The following RBFOX1 variants were observed in gnomAD, a reference collection of about 807,000 sequenced individuals.
The protein encoded by RBFOX1 is RNA binding protein fox-1 homolog 1.
A neutral mutation model predicts 57.7 loss-of-function variants in RBFOX1; 8 were observed. The observed-to-expected ratio is 0.14, with a 90% CI of 0.08 to 0.25. The LOEUF (loss-of-function observed/expected upper bound fraction) is 0.25, where lower values mean the gene tolerates loss of function less well. Among genes scored for constraint, RBFOX1 ranks in the 10% least tolerant of loss-of-function variants. RBFOX1 has a pLI of 1.00. For synonymous variants in RBFOX1, 326 were observed against 222.4 expected (o/e 1.47, Z -4.15); for missense variants, 611 against 548.5 (o/e 1.11, Z -1.14).
chr16:7,366,052 G>A (rs2097438783), intron 4 of RBFOX1, among the ~76,000 whole-genome samples: 1 of 152,146 alleles, frequency 6.6e-6, no homozygotes, highest in South Asian at 2.1e-4. Flanking sequence ...GATTGGCCTG[G>A]CGGAGGTCCA....
intron 2 of RBFOX1, among the ~76,000 whole-genome samples, chr16:6,441,892 A>T (rs1480952583): frequency 3.3e-5 from 5 of 152,170 alleles, no homozygotes; most frequent in Admixed American, 6.5e-5. Context: ...TCTCTGACTC[A>T]GGCAGCAGTG....
At chr16:7,188,692 T>C (rs1052413400) in intron 4 of RBFOX1, among the ~76,000 whole-genome samples, 1 of 152,200 alleles carries the variant, frequency 6.6e-6, no homozygotes, top group African/African-American at 2.4e-5. Flanking sequence ...AGGTTTCATT[T>C]ATTCTGCTGC....
intron 1 of RBFOX1, among the ~76,000 whole-genome samples, chr16:6,207,780 T>G (rs988619425): frequency 7.2e-5 from 11 of 152,078 alleles, no homozygotes; most frequent in African/African-American, 2.4e-4. Flanking sequence ...CTCAAAGCCC[T>G]GGGCTCAGGG....
Position 6,746,639 on chromosome 16 carries a change from C to T in RBFOX1, c.-16+91989C>T, listed in dbSNP as rs569941964. On this transcript the variant is annotated intron_variant, in intron 3 of 15. Transcript: ENST00000550418. ...GCTGCAGTGACCTGTGATTGTGCCA[C>T]TGCACTTCAGCCTGAGTGACGAGTG... 7.4e-4 allele frequency among the ~76,000 whole-genome samples: 112 copies of T among 151,766 alleles called. 1 individual carries two copies. The highest frequency in any genetic ancestry group is 2.7e-3 in the South Asian group (13 of 4,816).
chr16:6,888,266 A>C (rs934052228), intron 3 of RBFOX1, among the ~76,000 whole-genome samples: 6 of 152,324 alleles, frequency 3.9e-5, no homozygotes, highest in Admixed American at 6.5e-5. Flanking sequence ...ACAATGCTTT[A>C]TGGGTTTGTG....
At chr16:6,027,044 T>C (rs980816768) in intron 1 of RBFOX1, among the ~76,000 whole-genome samples, 1 of 152,264 alleles carries the variant, frequency 6.6e-6, no homozygotes, top group African/African-American at 2.4e-5. Flanking sequence ...ACCTTGTTCA[T>C]TGCTAGTTCT....
chr16:5,355,330 G>A (rs1056646657), intron 1 of RBFOX1, among the ~76,000 whole-genome samples: 2 of 152,186 alleles, frequency 1.3e-5, no homozygotes, highest in East Asian at 1.9e-4. Flanking sequence ...ACTATGGGCC[G>A]GGAGAGATGA....
At chr16:6,716,632 C>T (rs923605830) in intron 3 of RBFOX1, among the ~76,000 whole-genome samples, 2 of 152,186 alleles carry the variant, frequency 1.3e-5, no homozygotes, top group Admixed American at 1.3e-4. Flanking sequence ...CTAACACTCC[C>T]CTTGGACCCC....
intron 4 of RBFOX1, among the ~76,000 whole-genome samples, chr16:7,282,218 C>G (rs1045048813): frequency 6.6e-6 from 1 of 152,130 alleles, no homozygotes; most frequent in African/African-American, 2.4e-5. Flanking sequence ...CGCCCCAAAC[C>G]CATTTTCTTT....
At chr16:5,999,646 G>A (rs111744592) in intron 4 of RBFOX1, among the ~76,000 whole-genome samples, 3 of 152,128 alleles carry the variant, frequency 2.0e-5, no homozygotes, top group Non-Finnish European at 2.9e-5. Flanking sequence ...CGGATCACGA[G>A]GTCAGGAGAT....
intron 1 of RBFOX1, among the ~76,000 whole-genome samples, chr16:6,234,014 CT>C (rs2097486158): frequency 6.6e-6 from 1 of 152,120 alleles, no homozygotes; most frequent in Non-Finnish European, 1.5e-5. Flanking sequence ...GAGCTGCATC[CT>C]CTGGAGGGGA....
At chr16:6,956,215 G>T (rs1397614375) in intron 3 of RBFOX1, among the ~76,000 whole-genome samples, 1 of 152,162 alleles carries the variant, frequency 6.6e-6, no homozygotes, top group Admixed American at 6.5e-5. Flanking sequence ...ACAGGAGATC[G>T]TGCAGAGAGG....
intron 4 of RBFOX1, among the ~76,000 whole-genome samples, chr16:7,368,651 G>A (rs545704564): frequency 1.3e-5 from 2 of 151,288 alleles, no homozygotes; most frequent in South Asian, 2.1e-4. Context: ...GTGGTGGCGG[G>A]CACCTGTAGT....
chr16:5,467,199 T>TA, intron 1 of RBFOX1: 2 of 1,461,420 alleles, frequency 1.4e-6, no homozygotes, highest in African/African-American at 1.4e-5. Flanking sequence ...TCTCTCTCTT[T>TA]TTTTTTTTTA....
intron 1 of RBFOX1, among the ~76,000 whole-genome samples, chr16:6,273,622 A>G (rs2152681457): frequency 6.6e-6 from 1 of 152,210 alleles, no homozygotes; most frequent in Middle Eastern, 3.4e-3. Context: ...CTGGGCTTAT[A>G]GGCGTGAGCC....
rs145363610 is a variant in RBFOX1, at chr16:7,476,817, T to C, written c.28-41330T>C. Among the ~76,000 whole-genome samples the C allele has an allele frequency of 6.6e-5, 10 of 152,346 alleles. No homozygotes were observed. In the East Asian group the frequency reaches 1.9e-3, roughly 29 times the overall value. On this transcript the variant is annotated intron_variant, in intron 4 of 15. Transcript: ENST00000550418. ...AAATCCCTGCAAAGATGTATGAGGCTGCATATAAATTGCATTGAATGGGCT... is the reference window on the plus strand; with the variant it reads ...AAATCCCTGCAAAGATGTATGAGGCCGCATATAAATTGCATTGAATGGGCT...
At chr16:5,787,996 G>A (rs1027306922) in intron 3 of RBFOX1, among the ~76,000 whole-genome samples, 9 of 152,306 alleles carry the variant, frequency 5.9e-5, no homozygotes, top group East Asian at 1.9e-4. Context: ...CCCTTCCAGC[G>A]GGGGCAGGAA....
intron 1 of RBFOX1, among the ~76,000 whole-genome samples, chr16:5,425,839 C>G (rs1238453101): frequency 2.0e-5 from 3 of 152,150 alleles, no homozygotes; most frequent in Non-Finnish European, 2.9e-5. Context: ...CGGGCTCATT[C>G]CAGCTCTTAG....
intron 9 of RBFOX1, among the ~76,000 whole-genome samples, chr16:7,599,604 T>C (rs1055848780): frequency 2.0e-5 from 3 of 149,882 alleles, no homozygotes; most frequent in Non-Finnish European, 3.0e-5. Context: ...AGGTGCAACA[T>C]TGAGGCTAGA....
Sources: gnomAD v4.1 joint callset for allele counts (sites outside exome capture counted in the v4.1 genomes callset) on GRCh38, gnomAD v4.1.1 for gene constraint, MANE v1.5 for transcripts, NCBI Gene and HGNC (gene_info 2026-07-23, HGNC 2026-07-21) for gene names.